The following SH3YL1 variants were observed in gnomAD, a reference collection of about 807,000 sequenced individuals.
The protein encoded by SH3YL1 is SH3 and SYLF domain containing 1.
In SH3YL1, 41 loss-of-function variants were observed where a neutral mutation model predicts 45.8. The observed-to-expected ratio is 0.89, with a 90% CI of 0.70 to 1.16. SH3YL1 has a LOEUF of 1.16. Ranked by LOEUF, SH3YL1 falls within the 50% of genes most tolerant of loss-of-function variation. The pLI, the probability that SH3YL1 is intolerant of heterozygous loss-of-function variation, is 0.00. For missense variants in SH3YL1, 389 were observed against 409.6 expected (o/e 0.95, Z 0.43); for synonymous variants, 152 against 151.4 (o/e 1.00, Z -0.03).
At chr2:243,671 C>A in intron 4 of SH3YL1, 1 of 1,227,232 alleles carries the variant, frequency 8.1e-7, no homozygotes, top group Non-Finnish European at 1.1e-6. Context: ...GACCTTTCCC[C>A]TTCTTTCCCT....
At chr2:250,487 A>T (rs1408473311) in intron 2 of SH3YL1, among the ~76,000 whole-genome samples, 1 of 152,230 alleles carries the variant, frequency 6.6e-6, no homozygotes, top group Non-Finnish European at 1.5e-5. Context: ...CATGTCAGAG[A>T]TGTTCATTAC....
chr2:225,839 G>T (rs1287337442), intron 8 of SH3YL1, among the ~76,000 whole-genome samples: 1 of 151,996 alleles, frequency 6.6e-6, no homozygotes, highest in African/African-American at 2.4e-5. Context: ...AACACAAAAG[G>T]CACAGAAATT....
At chr2:235,304 A>C (rs560911029) in intron 4 of SH3YL1, among the ~76,000 whole-genome samples, 168 of 152,390 alleles carry the variant, frequency 1.1e-3, no homozygotes, top group Middle Eastern at 3.4e-3. Context: ...CAAAGTTAGA[A>C]CTGAAAAATA....
At chr2:239,465 A>G (rs987440943) in intron 4 of SH3YL1, 5 of 152,234 alleles carry the variant, frequency 3.3e-5, no homozygotes, top group South Asian at 2.1e-4. Context: ...TGACCCAGGC[A>G]AAAAACAATG....
chr2:223,262 G>A (rs1365534340), intron 9 of SH3YL1, among the ~76,000 whole-genome samples: 3 of 152,140 alleles, frequency 2.0e-5, no homozygotes, highest in Admixed American at 1.3e-4. Flanking sequence ...ATCAGGAAAC[G>A]TTTTTCCTTG....
At chr2:226,227 T>C (rs1339932012) in intron 8 of SH3YL1, among the ~76,000 whole-genome samples, 3 of 152,152 alleles carry the variant, frequency 2.0e-5, no homozygotes, top group African/African-American at 2.4e-5. Context: ...TTTAAAACTT[T>C]CATGGAGTAA....
Position 233,217 on chromosome 2 carries a change from T to G in SH3YL1, c.417A>C (p.Gly139=). The change falls in exon 6 of 10, where the codon GGA becomes GGC. Residue 139 remains glycine (G), a synonymous_variant. Coordinates refer to ENST00000356150, the MANE Select transcript of SH3YL1 (RefSeq NM_015677.4). ...CAGCGGAGCTTCTCAGGGCCACGTTTCCTTCCAAGTTCCTGCAAAGCACAA... is the reference window on the plus strand; with the variant it reads ...CAGCGGAGCTTCTCAGGGCCACGTTGCCTTCCAAGTTCCTGCAAAGCACAA... The part of the protein sequence containing the change: ...AVGPLGRNLE[G]NVALRSSAAV... 1 of 1,571,766 alleles carries G rather than the reference T, an allele frequency of 6.4e-7. No individual in the cohort carries two copies. The highest frequency in any genetic ancestry group is 1.2e-5 in the South Asian group (1 of 84,416).
At chr2:237,593 G>T (rs1165807928) in intron 4 of SH3YL1, among the ~76,000 whole-genome samples, 2 of 152,094 alleles carry the variant, frequency 1.3e-5, no homozygotes, top group Admixed American at 6.5e-5. Flanking sequence ...TCTGATCGAA[G>T]AAATAAGACT....
chr2:227,532 C>A (rs1372513124), intron 8 of SH3YL1, among the ~76,000 whole-genome samples: 2 of 151,886 alleles, frequency 1.3e-5, no homozygotes, highest in Non-Finnish European at 2.9e-5. Flanking sequence ...GGGATTTCTA[C>A]GCGGAGTTGT....
At chr2:256,646 T>C (rs1273750514) in intron 1 of SH3YL1, 1 of 152,230 alleles carries the variant, frequency 6.6e-6, no homozygotes. Flanking sequence ...TGAGCCGAGA[T>C]GGCGCCATTG....
At chr2:244,262 C>A (rs555547756) in intron 4 of SH3YL1, among the ~76,000 whole-genome samples, 1 of 151,690 alleles carries the variant, frequency 6.6e-6, no homozygotes, top group African/African-American at 2.4e-5. Context: ...TTTGGGAGGC[C>A]GAGGCAGGCG....
rs952396779 is a variant in SH3YL1 at position 219,128 on chromosome 2, C to A, written c.839-127G>T. ...ATGTCTTGGAGGCTGGCAGAAACCA[C>A]AACAGTCTGTGTAATTTTCATCACA... On this transcript the variant is annotated intron_variant, in intron 9 of 9. Transcript: ENST00000356150. 5.6e-5 allele frequency: 34 copies of A among 606,840 alleles called. No individual in the cohort carries two copies. Among genetic ancestry groups the A allele is most frequent in the African/African-American group, 5.0e-4 (27 of 53,566 alleles). The allele number at this position is 606,840 out of a possible 1,614,324, so 37.6% of individuals were successfully genotyped here.
chr2:229,810 C>T (rs1284280570), intron 8 of SH3YL1, 156 bp downstream of exon 8: 2 of 460,194 alleles, frequency 4.3e-6, no homozygotes, highest in Non-Finnish European at 8.0e-6. Context: ...CAATTTGTCT[C>T]ATGTATTTAG....
At chr2:230,858 T>C (rs1668001299) in intron 7 of SH3YL1, 165 bp downstream of exon 7, 7 of 664,314 alleles carry the variant, frequency 1.1e-5, no homozygotes, top group Admixed American at 2.6e-5. Context: ...CTGAAATCTG[T>C]ACAGAGGAAA....
At chr2:224,543 TC>T (rs566829274) in intron 9 of SH3YL1, among the ~76,000 whole-genome samples, 57 of 152,170 alleles carry the variant, frequency 3.7e-4, no homozygotes, top group African/African-American at 1.3e-3. Context: ...AGCAGCCCTG[TC>T]CCCAGCACAC....
chr2:222,417 G>C (rs1346647857), intron 9 of SH3YL1: 1 of 152,460 alleles, frequency 6.6e-6, no homozygotes. Flanking sequence ...CCTTGGGAAG[G>C]TCACAACTAG....
intron 8 of SH3YL1, among the ~76,000 whole-genome samples, chr2:226,051 C>A (rs1411683679): frequency 6.6e-6 from 1 of 151,832 alleles, no homozygotes; most frequent in Non-Finnish European, 1.5e-5. Flanking sequence ...AAAATGAGCT[C>A]AAATTATGTG....
intron 4 of SH3YL1, among the ~76,000 whole-genome samples, chr2:237,967 T>C (rs1668378045): frequency 6.6e-6 from 1 of 152,172 alleles, no homozygotes; most frequent in Non-Finnish European, 1.5e-5. Context: ...TGCGACTGAA[T>C]TTCCTGAAAG....
intron 1 of SH3YL1, among the ~76,000 whole-genome samples, chr2:257,820 GT>G (rs143755965): frequency 1.3e-5 from 2 of 152,098 alleles, no homozygotes; most frequent in African/African-American, 4.8e-5. Flanking sequence ...ATCTTGAATT[GT>G]TTTTTTGCAT....
Sources: allele counts gnomAD v4.1 joint callset (sites outside exome capture counted in the v4.1 genomes callset), GRCh38; gene constraint gnomAD v4.1.1; transcripts MANE v1.5; gene names NCBI Gene and HGNC (gene_info 2026-07-23, HGNC 2026-07-21).